ACAT2: variants seen among roughly 807,000 people sequenced by gnomAD.
ACAT2 encodes the protein acetyl-CoA acetyltransferase 2, also known as acetyl-CoA acetyltransferase, cytosolic.
Under a neutral mutation model 37.1 loss-of-function variants are expected in ACAT2, and 26 were observed. The observed-to-expected ratio is 0.70, with a 90% CI of 0.51 to 0.97. ACAT2 has a LOEUF of 0.97. ACAT2 is among the 50% of genes least tolerant of loss of function. The pLI, the probability that ACAT2 is intolerant of heterozygous loss-of-function variation, is 0.00. For missense variants in ACAT2, 468 were observed against 489.0 expected (o/e 0.96, Z 0.40); for synonymous variants, 156 against 163.6 (o/e 0.95, Z 0.35).
rs755973543 is a variant in ACAT2 at position 159,778,721 on chromosome 6, T to A, written c.1086T>A (p.Ile362=). The A allele has an allele frequency of 1.9e-6, 3 of 1,614,228 alleles. No individual in the cohort carries two copies. In the South Asian group the frequency reaches 3.3e-5, roughly 18 times the overall value. Residue 362 remains isoleucine (I), a synonymous_variant, in exon 9 of 9, where the codon ATT becomes ATA. Transcript: ENST00000367048. ...GHPLGASGCR[I]LVTLLHTLER... ...CTCTTGGAGCATCTGGCTGTCGAAT[T>A]CTTGTGACCCTGTTACACACACTGG...
intron 1 of ACAT2, 114 bp from the exon 2 acceptor site, chr6:159,762,805 A>G (rs1583121446): frequency 6.3e-7 from 1 of 1,593,676 alleles, no homozygotes. Flanking sequence ...AGGAGAGGGC[A>G]CTGCCTCCTC....
intron 4 of ACAT2, 84 bp downstream of exon 4, chr6:159,768,712 C>T: frequency 3.4e-6 from 3 of 882,744 alleles, no homozygotes; most frequent in East Asian, 5.0e-5. Context: ...GTGCTTTCGT[C>T]CTTATGGCCA....
chr6:159,768,445 A>T (rs1780287958), intron 3 of ACAT2, 66 bp from the exon 4 acceptor site: 3 of 1,140,898 alleles, frequency 2.6e-6, no homozygotes, highest in Non-Finnish European at 4.0e-6. Context: ...GATAGTTTTG[A>T]GTTGTATTCT....
At chr6:159,776,762 G>A (rs1394030362) in intron 6 of ACAT2, among the ~76,000 whole-genome samples, 2 of 152,050 alleles carry the variant, frequency 1.3e-5, no homozygotes, top group Non-Finnish European at 2.9e-5. Flanking sequence ...TTTCCTGTCA[G>A]AGATCTCCCC....
At chr6:159,776,522 CAATA>C (rs1303253200) in intron 6 of ACAT2, among the ~76,000 whole-genome samples, 1 of 152,104 alleles carries the variant, frequency 6.6e-6, no homozygotes, top group Non-Finnish European at 1.5e-5. Flanking sequence ...ACACCCAACT[CAATA>C]TTTATGTACA....
At chr6:159,770,534 G>A (rs936980889) in intron 4 of ACAT2, among the ~76,000 whole-genome samples, 2 of 152,090 alleles carry the variant, frequency 1.3e-5, no homozygotes, top group Admixed American at 6.6e-5. Flanking sequence ...GGATGGGGCC[G>A]GGCATGGTGG....
intron 3 of ACAT2, 55 bp from the exon 4 acceptor site, chr6:159,768,456 G>C (rs1780288058): frequency 8.0e-7 from 1 of 1,244,456 alleles, no homozygotes; most frequent in Non-Finnish European, 1.2e-6. Flanking sequence ...GTTGTATTCT[G>C]GGGAGAAGAC....
chr6:159,778,146 CTT>C, intron 7 of ACAT2, 22 bp from the exon 8 acceptor site: 1 of 1,548,522 alleles, frequency 6.5e-7, no homozygotes, highest in Non-Finnish European at 8.9e-7. Flanking sequence ...GTTTAGACCT[CTT>C]TTCTATGAAT....
At chr6:159,776,743 A>C (rs58668302) in intron 6 of ACAT2, among the ~76,000 whole-genome samples, 6,522 of 152,224 alleles carry the variant, frequency 0.043, 228 homozygotes, top group African/African-American at 0.081. Flanking sequence ...GCCCAGGCTT[A>C]TTCTTCCATT....
At chr6:159,762,492 G>A (rs904591938) in intron 1 of ACAT2, 1 of 1,307,950 alleles carries the variant, frequency 7.6e-7, no homozygotes, top group African/African-American at 1.5e-5. Context: ...AATGCCTGCG[G>A]CAGGGGCGGA....
At chr6:159,775,105 G>T in intron 4 of ACAT2, 65 bp from the exon 5 acceptor site, 1 of 1,565,600 alleles carries the variant, frequency 6.4e-7, no homozygotes, top group South Asian at 1.2e-5. Flanking sequence ...AAATGTGGAC[G>T]ACTTGAGCTA....
In ACAT2 at chr6:159,765,367, C is replaced by T. The variant is rs553516495; in HGVS notation, c.191-1638C>T. On this transcript the variant is annotated intron_variant, in intron 2 of 8. Coordinates refer to ENST00000367048, the MANE Select transcript of ACAT2 (RefSeq NM_005891.3). ...CTGACCTCAAGTTATCCACCCGCCT[C>T]GGCCTCCCAAAGTGCTGGGATTACA... Among the ~76,000 whole-genome samples the T allele has an allele frequency of 9.2e-5, 14 of 151,984 alleles. No individual in the cohort carries two copies. In the South Asian group the frequency reaches 2.7e-3, roughly 29 times the overall value.
At chr6:159,777,239 A>G (rs1780435901) in intron 6 of ACAT2, 63 bp from the exon 7 acceptor site, 3 of 1,541,634 alleles carry the variant, frequency 1.9e-6, no homozygotes, top group Admixed American at 4.0e-5. Flanking sequence ...GTGGTAAAGA[A>G]GCCACAGATA....
rs777914986 is a variant in ACAT2 at position 159,776,182 on chromosome 6, C to T, written c.667C>T (p.Arg223Cys). ...TGAAGTTAAAACAGATGAGTTTCCT[C>T]GCCATGGGAGCAACATAGAAGCCAT... ...LIEVKTDEFP[R>C]HGSNIEAMSK... is the part of the protein sequence containing the mutation. Residue 223 changes from arginine to cysteine, a missense_variant, in exon 6 of 9, where the codon CGC becomes TGC. Physicochemically the swap from Arg to Cys is radical, Grantham distance 180. Coordinates refer to ENST00000367048, the MANE Select transcript of ACAT2 (RefSeq NM_005891.3). 6.8e-6 allele frequency: 11 copies of T among 1,613,950 alleles called. No individual in the cohort carries two copies. Among genetic ancestry groups the T allele is most frequent in the South Asian group, 4.4e-5 (4 of 91,074 alleles).
At chr6:159,763,135 C>T (rs759945357) in intron 2 of ACAT2, 82 bp downstream of exon 2, 17 of 1,505,114 alleles carry the variant, frequency 1.1e-5, no homozygotes, top group Admixed American at 2.1e-5. Flanking sequence ...CTCTCACACA[C>T]TCACACACTC....
rs763354983 is a variant in ACAT2 at position 159,762,120 on chromosome 6, C to G, written c.33C>G (p.Val11=). 10 of 1,612,742 alleles carry G rather than the reference C, an allele frequency of 6.2e-6. No individual in the cohort carries two copies. The South Asian group carries it at 1.1e-4, about 18-fold the overall frequency. The change falls in exon 1 of 9, where the codon GTC becomes GTG. Residue 11 remains valine (V), a synonymous_variant. Transcript: ENST00000367048. ...CAGGCTCAGATCCTGTGGTCATCGT[C>G]TCGGCGGCGCGGACCATCATAGGTG... is the stretch of plus-strand genomic sequence containing the variant. MNAGSDPVVI[V]SAARTIIGSF...
intron 2 of ACAT2, 68 bp downstream of exon 2, chr6:159,763,121 C>A: frequency 6.5e-7 from 1 of 1,533,224 alleles, no homozygotes; most frequent in South Asian, 1.3e-5. Flanking sequence ...CACACACACA[C>A]ACACTCTCAC....
chr6:159,777,336 G>A lies in ACAT2; in HGVS notation c.792G>A (p.Met264Ile), dbSNP rs1296022418. The change falls in exon 7 of 9, where the codon ATG (methionine) becomes ATA (isoleucine). Residue 264 changes from methionine (M) to isoleucine (I), a missense_variant. By Grantham distance (10) the Met-to-Ile change is conservative. Coordinates refer to ENST00000367048, the MANE Select transcript of ACAT2 (RefSeq NM_005891.3). ...INDGAAAVVL[M>I]KKSEADKRGL... Reference sequence around the variant, plus strand: ...ATGGTGCTGCAGCTGTCGTTCTTATGAAGAAGTCAGAAGCTGATAAACGTG... The same window carrying A: ...ATGGTGCTGCAGCTGTCGTTCTTATAAAGAAGTCAGAAGCTGATAAACGTG... 1.2e-6 allele frequency: 2 copies of A among 1,613,716 alleles called. No individual in the cohort carries two copies. The highest frequency in any genetic ancestry group is 1.7e-6 in the Non-Finnish European group (2 of 1,179,914).
At chr6:159,771,916 C>G (rs1780343581) in intron 4 of ACAT2, among the ~76,000 whole-genome samples, 1 of 152,074 alleles carries the variant, frequency 6.6e-6, no homozygotes, top group African/African-American at 2.4e-5. Flanking sequence ...GACACAACAA[C>G]AACAACAACA....
Sources: allele counts gnomAD v4.1 joint callset (sites outside exome capture counted in the v4.1 genomes callset), GRCh38; gene constraint gnomAD v4.1.1; transcripts MANE v1.5; gene names NCBI Gene and HGNC (gene_info 2026-07-23, HGNC 2026-07-21).